Variants in PKD2 observed in about 807,000 individuals in gnomAD.
The protein encoded by PKD2 is polycystin-2.
Under a neutral mutation model 105.9 loss-of-function variants are expected in PKD2, and 48 were observed. The ratio of observed to expected loss-of-function variants is 0.45; its 90% confidence interval spans 0.36 to 0.58. The LOEUF (loss-of-function observed/expected upper bound fraction) is 0.58, where lower values mean the gene tolerates loss of function less well. Among genes scored for constraint, PKD2 ranks in the 20% least tolerant of loss-of-function variants. The probability of loss-of-function intolerance (pLI) is 0.00; values close to 1 mark genes in which losing one functional copy is unlikely to be tolerated. For synonymous variants in PKD2, 464 were observed against 481.1 expected (o/e 0.96, Z 0.46); for missense variants, 1,078 against 1,255.3 (o/e 0.86, Z 2.13).
chr4:88,067,822 C>T, intron 12 of PKD2, 76 bp from the exon 13 acceptor site: 1 of 1,292,684 alleles, frequency 7.7e-7, no homozygotes. Context: ...CCAGTTCCTG[C>T]TTGCCCAAGT....
At chr4:88,064,882 A>C (rs1159648280) in intron 10 of PKD2, among the ~76,000 whole-genome samples, 3 of 152,040 alleles carry the variant, frequency 2.0e-5, no homozygotes, top group African/African-American at 4.8e-5. Context: ...ACAGAGTAAG[A>C]TCCTGTCTCA....
chr4:88,038,558 T>G, intron 4 of PKD2, 57 bp downstream of exon 4: 1 of 1,559,256 alleles, frequency 6.4e-7, no homozygotes, highest in East Asian at 2.2e-5. Flanking sequence ...TTCTCTGAAC[T>G]CCCACCATTC....
Position 88,036,342 on chromosome 4 carries a change from G to C in PKD2, c.832G>C (p.Asp278His). The C allele has an allele frequency of 6.2e-7, 1 of 1,613,734 alleles. No homozygotes were observed. The highest frequency in any genetic ancestry group is 8.5e-7 in the Non-Finnish European group (1 of 1,179,630). ...CTTTAAAACTCTGTCTTCCATGGAA[G>C]ACTTCTGGAAGGTATTTGCAAATAA... The part of the protein sequence containing the change: ...TNFKTLSSME[D>H]FWKFTEGSLL... Residue 278 changes from aspartate to histidine, a missense_variant, in exon 3 of 15, where the codon GAC becomes CAC. Around this residue, in one of 2 missense-constraint regions of PKD2, gnomAD observed 868 missense variants for 1,067.3 expected, o/e 0.81. Transcript: ENST00000237596.
chr4:88,075,193 C>T (rs1445222209), intron 14 of PKD2, among the ~76,000 whole-genome samples: 1 of 152,130 alleles, frequency 6.6e-6, no homozygotes, highest in Non-Finnish European at 1.5e-5. Flanking sequence ...TATTGTCTAA[C>T]CCTTAGGCTG....
chr4:88,025,484 C>CA (rs779997146), intron 2 of PKD2, among the ~76,000 whole-genome samples: 33 of 151,444 alleles, frequency 2.2e-4, no homozygotes, highest in South Asian at 1.3e-3. Context: ...CATGGTGGCA[C>CA]ATGCCTGTAG....
chr4:88,028,897 C>T (rs1578124485), intron 2 of PKD2, among the ~76,000 whole-genome samples: 1 of 152,198 alleles, frequency 6.6e-6, no homozygotes, highest in Non-Finnish European at 1.5e-5. Context: ...CAAAATAATA[C>T]TAGCCAATAC....
chr4:88,026,625 T>C (rs1726966042), intron 2 of PKD2, among the ~76,000 whole-genome samples: 2 of 152,184 alleles, frequency 1.3e-5, no homozygotes, highest in Non-Finnish European at 2.9e-5. Context: ...TTTGCATAAG[T>C]AACGAGGAGC....
rs1452919398 is a variant in PKD2 at position 88,070,591 on chromosome 4, TATATATATATAGAG to T, written c.2522+2532_2522+2545del. 2.4e-3 allele frequency among the ~76,000 whole-genome samples: 248 copies of T among 104,166 alleles called. 1 individual carries two copies. The highest frequency in any genetic ancestry group is 8.3e-3 in the African/African-American group (237 of 28,462). 68.3% of individuals were successfully genotyped at this position (104,166 alleles called of 152,430 possible). A position where few individuals can be genotyped will look rare whatever the true frequency, so the allele number is the denominator to read the frequency against. ...TATTTATTTTATATATATATATATATATATATATATAGAGAGAGAGAGAGAGAGAGAGAGAGAAA... is the reference window on the plus strand; with the variant it reads ...TATTTATTTTATATATATATATATATAGAGAGAGAGAGAGAGAGAGAGAAA... On this transcript the variant is annotated intron_variant, in intron 13 of 14. Transcript: ENST00000237596.
chr4:88,056,176 A>G lies in PKD2; in HGVS notation c.1807A>G (p.Met603Val), dbSNP rs761542725. 3 of 1,613,536 alleles carry G rather than the reference A, an allele frequency of 1.9e-6. No individual in the cohort carries two copies. Among genetic ancestry groups the G allele is most frequent in the East Asian group, 2.2e-5 (1 of 44,864 alleles). ...CAKDLFGFAIMFFIIFLAYAQ... is the reference protein window; with the variant it reads ...CAKDLFGFAIVFFIIFLAYAQ... Reference sequence around the variant, plus strand: ...CAAAGACCTGTTTGGCTTTGCTATTATGTTCTTCATTATTTTCCTAGCGTA... The same window carrying G: ...CAAAGACCTGTTTGGCTTTGCTATTGTGTTCTTCATTATTTTCCTAGCGTA... The change falls in exon 8 of 15, where the codon ATG becomes GTG. Residue 603 changes from methionine to valine, a missense_variant. Met to Val is a conservative substitution (Grantham distance 21). This residue lies in a region of PKD2 where 868 missense variants were observed against 1,067.3 expected (regional missense o/e 0.81). Coordinates refer to ENST00000237596, the MANE Select transcript of PKD2 (RefSeq NM_000297.4).
At chr4:88,023,359 C>T (rs2725227) in intron 2 of PKD2, among the ~76,000 whole-genome samples, 74,228 of 151,912 alleles carry the variant, frequency 0.49, 18,762 homozygotes, top group East Asian at 0.71. Context: ...AGAAATCACT[C>T]GTTACCTCAA....
At position 88,043,357 on chromosome 4, in the gene PKD2, G is replaced by A. The variant is rs763865791; in HGVS notation, c.1219G>A (p.Ala407Thr). The change falls in exon 5 of 15, where the codon GCT (alanine) becomes ACT (threonine). Residue 407 changes from alanine to threonine, a missense_variant. Coordinates refer to ENST00000237596, the MANE Select transcript of PKD2 (RefSeq NM_000297.4). ...AAGAGAGGAAACAGCTGCACAAGTT[G>A]CTAGCCTCAAGAAAAATGTCTGGCT... is the stretch of plus-strand genomic sequence containing the variant. ...RTREETAAQV[A>T]SLKKNVWLDR... 1.4e-5 allele frequency: 22 copies of A among 1,613,856 alleles called. No homozygotes were observed. The highest frequency in any genetic ancestry group is 1.7e-5 in the Non-Finnish European group (20 of 1,179,918).
At chr4:88,018,684 T>A (rs1726644525) in intron 1 of PKD2, among the ~76,000 whole-genome samples, 1 of 152,218 alleles carries the variant, frequency 6.6e-6, no homozygotes, top group Admixed American at 6.5e-5. Flanking sequence ...AGCAAGCTCA[T>A]GGAGGGTTAC....
rs757884381 is a variant in PKD2, at chr4:88,075,621, G to A, written c.2834G>A (p.Arg945His). 20 of 1,613,982 alleles carry A rather than the reference G, an allele frequency of 1.2e-5. No individual in the cohort carries two copies. The Admixed American group carries it at 1.3e-4, about 11-fold the overall frequency. ...GGTCAACCTCGCCCCAGAAGCTCCC[G>A]CCCATCTTCCTCCCAATCTACAGAA... The part of the protein sequence containing the change: ...LNGQPRPRSS[R>H]PSSSQSTEGM... The change falls in exon 15 of 15, where the codon CGC (arginine) becomes CAC (histidine). Residue 945 changes from arginine (R) to histidine (H), a missense_variant. Around this residue, in one of 2 missense-constraint regions of PKD2, gnomAD observed 868 missense variants for 1,067.3 expected, o/e 0.81. Transcript: ENST00000237596.
chr4:88,042,607 C>T (rs928502973), intron 4 of PKD2, among the ~76,000 whole-genome samples: 1 of 152,198 alleles, frequency 6.6e-6, no homozygotes, highest in Non-Finnish European at 1.5e-5. Context: ...CAAATAAGGA[C>T]AGCTTTCCTC....
chr4:88,011,650 T>G (rs1012194169), intron 1 of PKD2, among the ~76,000 whole-genome samples: 7 of 152,206 alleles, frequency 4.6e-5, no homozygotes, highest in African/African-American at 1.7e-4. Context: ...CTGCCTTCCC[T>G]TTCGATGTCT....
chr4:88,067,215 G>C (rs1720827126), intron 12 of PKD2, among the ~76,000 whole-genome samples: 1 of 152,110 alleles, frequency 6.6e-6, no homozygotes, highest in Non-Finnish European at 1.5e-5. Context: ...TTTGGATTTT[G>C]GGTTTTCAGA....
chr4:88,024,234 A>G (rs1240133851), intron 2 of PKD2, among the ~76,000 whole-genome samples: 2 of 152,082 alleles, frequency 1.3e-5, no homozygotes, highest in African/African-American at 2.4e-5. Context: ...AGGCAGGCAG[A>G]TCACTTGAGG....
At chr4:88,018,686 G>A (rs145716137) in intron 1 of PKD2, among the ~76,000 whole-genome samples, 2 of 152,328 alleles carry the variant, frequency 1.3e-5, no homozygotes, top group African/African-American at 2.4e-5. Context: ...CAAGCTCATG[G>A]AGGGTTACGT....
At chr4:88,020,019 C>T (rs1006884175) in intron 2 of PKD2, among the ~76,000 whole-genome samples, 1 of 152,166 alleles carries the variant, frequency 6.6e-6, no homozygotes, top group Non-Finnish European at 1.5e-5. Context: ...CATTATCTGA[C>T]CAGCCAGTTC....
Sources: gnomAD v4.1 joint callset for allele counts (sites outside exome capture counted in the v4.1 genomes callset) on GRCh38, gnomAD v4.1.1 for gene constraint, gnomAD v4.1.1 regional missense constraint, MANE v1.5 for transcripts, NCBI Gene and HGNC (gene_info 2026-07-23, HGNC 2026-07-21) for gene names.